The following EPHA3 variants were observed in gnomAD, a reference collection of about 807,000 sequenced individuals.
EPHA3 encodes EPH receptor A3.
A neutral mutation model predicts 107.1 loss-of-function variants in EPHA3; 42 were observed. The observed-to-expected ratio is 0.39, with a 90% CI of 0.31 to 0.51. The LOEUF is 0.51. EPHA3 is among the 20% of genes least tolerant of loss of function. The pLI is 0.78. For synonymous variants in EPHA3, 461 were observed against 424.8 expected (o/e 1.09, Z -1.05); for missense variants, 1,183 against 1,211.2 (o/e 0.98, Z 0.35).
intron 2 of EPHA3, among the ~76,000 whole-genome samples, chr3:89,189,194 A>T (rs1243789461): frequency 3.9e-5 from 6 of 152,216 alleles, no homozygotes; most frequent in Non-Finnish European, 8.8e-5. Flanking sequence ...AATGAGATGT[A>T]TACCTTAAAC....
chr3:89,450,486 C>A, intron 15 of EPHA3, 116 bp downstream of exon 15: 1 of 900,706 alleles, frequency 1.1e-6, no homozygotes, highest in Non-Finnish European at 1.7e-6. Flanking sequence ...TGTATTCCAC[C>A]ATATTAGAGA....
At chr3:89,459,036 A>G (rs73139302) in intron 15 of EPHA3, among the ~76,000 whole-genome samples, 34,189 of 151,950 alleles carry the variant, frequency 0.23, 4,137 homozygotes, top group Non-Finnish European at 0.25. Context: ...TGGAGGGTGA[A>G]GGGAAAGGGA....
chr3:89,461,191 G>T (rs1236494868), intron 15 of EPHA3, among the ~76,000 whole-genome samples: 1 of 104,428 alleles, frequency 9.6e-6, no homozygotes, highest in African/African-American at 4.6e-5. Flanking sequence ...ATTCCATGGT[G>T]TATATGTGCC....
intron 13 of EPHA3, among the ~76,000 whole-genome samples, chr3:89,433,807 G>T (rs1014906391): frequency 9.9e-5 from 15 of 152,056 alleles, no homozygotes; most frequent in Admixed American, 8.5e-4. Flanking sequence ...CCAAACATGG[G>T]ATCAATACCT....
At chr3:89,226,699 CT>C (rs1468572363) in intron 3 of EPHA3, among the ~76,000 whole-genome samples, 1 of 151,994 alleles carries the variant, frequency 6.6e-6, no homozygotes, top group Non-Finnish European at 1.5e-5. Flanking sequence ...AGGATTGTTT[CT>C]TTTAAAACAA....
chr3:89,373,369 T>C (rs1301345499), intron 5 of EPHA3, among the ~76,000 whole-genome samples: 1 of 151,932 alleles, frequency 6.6e-6, no homozygotes, highest in Non-Finnish European at 1.5e-5. Flanking sequence ...ACATTTTTTC[T>C]TATTTATGTA....
chr3:89,288,671 A>G (rs553278995), intron 3 of EPHA3, among the ~76,000 whole-genome samples: 1 of 152,138 alleles, frequency 6.6e-6, no homozygotes, highest in Non-Finnish European at 1.5e-5. Context: ...TTTCATAGTA[A>G]ATACTGTTTG....
intron 13 of EPHA3, among the ~76,000 whole-genome samples, chr3:89,440,183 T>C (rs1007693098): frequency 3.3e-5 from 5 of 152,186 alleles, no homozygotes; most frequent in African/African-American, 1.2e-4. Context: ...GTGAATGAAT[T>C]TTAGTCCTTG....
intron 5 of EPHA3, among the ~76,000 whole-genome samples, chr3:89,389,670 G>A (rs1441242175): frequency 6.6e-6 from 1 of 152,174 alleles, no homozygotes; most frequent in African/African-American, 2.4e-5. Flanking sequence ...GGCAAATATA[G>A]ATTTTAAAAC....
chr3:89,298,670 T>G (rs1706417569), intron 3 of EPHA3, among the ~76,000 whole-genome samples: 1 of 152,176 alleles, frequency 6.6e-6, no homozygotes, highest in Non-Finnish European at 1.5e-5. Flanking sequence ...AGGTATTTTT[T>G]GTGTTTTTAA....
chr3:89,217,675 A>G (rs997394257), intron 3 of EPHA3, among the ~76,000 whole-genome samples: 8 of 152,218 alleles, frequency 5.3e-5, no homozygotes, highest in Non-Finnish European at 8.8e-5. Context: ...TCAAATATAG[A>G]AAGACCCTGA....
chr3:89,400,279 C>T (rs1164002591), intron 7 of EPHA3: 11 of 183,974 alleles, frequency 6.0e-5, no homozygotes, highest in Non-Finnish European at 1.1e-4. Flanking sequence ...CTGCAAGCTC[C>T]TGCAAGCTCC....
intron 5 of EPHA3, among the ~76,000 whole-genome samples, chr3:89,342,323 T>C (rs1269576528): frequency 6.6e-6 from 1 of 152,188 alleles, no homozygotes; most frequent in African/African-American, 2.4e-5. Context: ...TTTCCCAATT[T>C]GAAATCCTTA....
intron 3 of EPHA3, among the ~76,000 whole-genome samples, chr3:89,306,625 A>G (rs1706628672): frequency 6.6e-6 from 1 of 152,190 alleles, no homozygotes; most frequent in Non-Finnish European, 1.5e-5. Context: ...AATGATAGAA[A>G]TCTCAGCTCT....
chr3:89,433,531 T>A (rs1319137021), intron 13 of EPHA3, among the ~76,000 whole-genome samples: 1 of 152,192 alleles, frequency 6.6e-6, no homozygotes, highest in East Asian at 1.9e-4. Flanking sequence ...TGGCTTTTAA[T>A]AATAAACCCT....
chr3:89,423,668 A>G (rs1187164999), intron 11 of EPHA3, among the ~76,000 whole-genome samples: 3 of 151,392 alleles, frequency 2.0e-5, no homozygotes, highest in African/African-American at 7.3e-5. Flanking sequence ...TCACTGCTCG[A>G]TATATTAGAA....
rs761834658 is a variant in EPHA3, at chr3:89,210,532, C to G, written c.814+12C>G. On this transcript the variant is annotated intron_variant, in intron 3 of 16. Transcript: ENST00000336596. ...TTTTATGTGCCAAGGTAAGAGCCTTCTCTATTTTTCTTTGAGCAATATTTC... is the reference window on the plus strand; with the variant it reads ...TTTTATGTGCCAAGGTAAGAGCCTTGTCTATTTTTCTTTGAGCAATATTTC... 5 of 1,518,864 alleles carry G rather than the reference C, an allele frequency of 3.3e-6. No individual in the cohort carries two copies. Among genetic ancestry groups the G allele is most frequent in the Non-Finnish European group, 4.4e-6 (5 of 1,136,754 alleles). 94.1% of individuals were successfully genotyped at this position (1,518,864 alleles called of 1,614,324 possible). A position where few individuals can be genotyped will look rare whatever the true frequency, so the allele number is the denominator to read the frequency against.
intron 5 of EPHA3, among the ~76,000 whole-genome samples, chr3:89,383,207 C>G (rs1233235022): frequency 6.6e-6 from 1 of 152,136 alleles, no homozygotes; most frequent in African/African-American, 2.4e-5. Flanking sequence ...AAGATTAAGA[C>G]CAGCACATAT....
chr3:89,282,381 T>G (rs1705970311), intron 3 of EPHA3, among the ~76,000 whole-genome samples: 2 of 152,138 alleles, frequency 1.3e-5, no homozygotes, highest in Admixed American at 1.3e-4. Context: ...ATATAGAATT[T>G]ATCATACTTG....
Sources: allele counts gnomAD v4.1 joint callset (sites outside exome capture counted in the v4.1 genomes callset), GRCh38; gene constraint gnomAD v4.1.1; transcripts MANE v1.5; gene names NCBI Gene and HGNC (gene_info 2026-07-23, HGNC 2026-07-21).